Variants in LRP4 observed in about 807,000 individuals in gnomAD.
LRP4 encodes low-density lipoprotein receptor-related protein 4.
A neutral mutation model predicts 220.3 loss-of-function variants in LRP4; 95 were observed. The observed-to-expected ratio is 0.43, with a 90% CI of 0.37 to 0.51. The LOEUF (loss-of-function observed/expected upper bound fraction) is 0.51. Among genes scored for constraint, LRP4 ranks in the 20% least tolerant of loss-of-function variants. LRP4 has a pLI of 0.00. For missense variants in LRP4, 1,925 were observed against 2,567.0 expected (o/e 0.75, Z 5.40); for synonymous variants, 903 against 954.6 (o/e 0.95, Z 1.00).
In LRP4 at chr11:46,858,857, C is replaced by G. The variant is rs1940452221; in HGVS notation, c.*126G>C. 1 of 894,010 alleles carries G rather than the reference C, an allele frequency of 1.1e-6. No individual in the cohort carries two copies. The highest frequency in any genetic ancestry group is 1.9e-6 in the Non-Finnish European group (1 of 539,918). 55.4% of individuals were successfully genotyped at this position (894,010 alleles called of 1,614,324 possible). On this transcript the variant is annotated 3_prime_UTR_variant, in exon 38 of 38. Coordinates refer to ENST00000378623, the MANE Select transcript of LRP4 (RefSeq NM_002334.4). ...AACAGCTCCGGTGAAGGCTTAGGAA[C>G]AGTTATGGGGTGGGAGGAGGAGGAG...
chr11:46,868,562 GCT>G lies in LRP4; in HGVS notation c.4951+36_4951+37del, dbSNP rs781063746. Reference sequence around the variant, plus strand: ...CTGCTGACTCTCAGCCCTTCCAGGGGCTCTGCCGAGTGGCTCCAGCCATACAG... The same window carrying G: ...CTGCTGACTCTCAGCCCTTCCAGGGGCTGCCGAGTGGCTCCAGCCATACAG... On this transcript the variant is annotated intron_variant, in intron 33 of 37. Transcript: ENST00000378623. 89 of 1,447,018 alleles carry G rather than the reference GCT, an allele frequency of 6.2e-5. 2 individuals are homozygous for G. The South Asian group carries it at 9.7e-4, about 16-fold the overall frequency. 89.6% of individuals were successfully genotyped at this position (1,447,018 alleles called of 1,614,324 possible).
chr11:46,872,299 C>T (rs1478299131), intron 30 of LRP4, among the ~76,000 whole-genome samples: 1 of 151,914 alleles, frequency 6.6e-6, no homozygotes, highest in Non-Finnish European at 1.5e-5. Flanking sequence ...CTACATGGAC[C>T]TTGCTGAGGT....
intron 2 of LRP4, among the ~76,000 whole-genome samples, chr11:46,900,790 CTTT>C (rs35979071): frequency 7.5e-6 from 1 of 132,796 alleles, no homozygotes; most frequent in Non-Finnish European, 1.6e-5. Context: ...GGCGCCTGGC[CTTT>C]TTTTTTTTTT....
chr11:46,864,280 G>GT (rs1381555247), intron 36 of LRP4, among the ~76,000 whole-genome samples, 168 bp downstream of exon 36: 2 of 152,214 alleles, frequency 1.3e-5, no homozygotes, highest in African/African-American at 2.4e-5. Context: ...CTGGAGAAGA[G>GT]TAAGTATTTA....
intron 31 of LRP4, 36 bp downstream of exon 31, chr11:46,871,489 C>T (rs370986346): frequency 7.1e-7 from 1 of 1,405,578 alleles, no homozygotes; most frequent in Non-Finnish European, 1.0e-6. Flanking sequence ...ACATCCCAGT[C>T]AAGGAGGTTT....
In LRP4 at chr11:46,896,941, G is replaced by A. The variant is rs777995529; in HGVS notation, c.850C>T (p.Arg284Cys). ...TCCCCATCACAGCGCCAGGACAGGCGGACACAGCGGCCTGAGTGACAGCGG... is the reference window on the plus strand; with the variant it reads ...TCCCCATCACAGCGCCAGGACAGGCAGACACAGCGGCCTGAGTGACAGCGG... Reference protein sequence around the residue: ...QFRCHSGRCVRLSWRCDGEDD... With the variant: ...QFRCHSGRCVCLSWRCDGEDD... The change falls in exon 8 of 38, where the codon CGC becomes TGC. Residue 284 changes from arginine to cysteine, a missense_variant. By Grantham distance (180) the Arg-to-Cys change is radical. This residue lies in a region of LRP4 where 412 missense variants were observed against 505.4 expected (regional missense o/e 0.82). Transcript: ENST00000378623. 9.3e-6 allele frequency: 15 copies of A among 1,614,204 alleles called. No homozygotes were observed. In the South Asian group the frequency reaches 1.2e-4, roughly 13 times the overall value.
chr11:46,865,025 C>A, intron 35 of LRP4, 94 bp downstream of exon 35: 2 of 1,076,602 alleles, frequency 1.9e-6, no homozygotes, highest in Non-Finnish European at 2.8e-6. Flanking sequence ...AGTTCATCAA[C>A]CCCAGAGTCC....
chr11:46,877,158 C>T (rs1346747581), intron 23 of LRP4, 41 bp downstream of exon 23: 2 of 1,610,358 alleles, frequency 1.2e-6, no homozygotes, highest in East Asian at 4.5e-5. Context: ...TGTTGAAGGG[C>T]AGGGACAGAA....
intron 17 of LRP4, 47 bp from the exon 18 acceptor site, chr11:46,886,219 T>C (rs1030917568): frequency 3.7e-6 from 6 of 1,600,540 alleles, no homozygotes; most frequent in Non-Finnish European, 5.1e-6. Flanking sequence ...TCCACTCTAG[T>C]TCTGGAGCCC....
chr11:46,869,153 A>C (rs749927352), intron 31 of LRP4, 21 bp from the exon 32 acceptor site: 9 of 1,610,568 alleles, frequency 5.6e-6, no homozygotes, highest in South Asian at 2.2e-5. Context: ...GGGGAAGCCC[A>C]AAAACAGTAA....
intron 18 of LRP4, among the ~76,000 whole-genome samples, chr11:46,885,736 T>C (rs1941274157): frequency 7.5e-6 from 1 of 133,470 alleles, no homozygotes; most frequent in Non-Finnish European, 1.5e-5. Flanking sequence ...ATCGCACCAC[T>C]GCACTCCAGC....
chr11:46,892,569 CTTTT>C (rs11292441), intron 13 of LRP4, among the ~76,000 whole-genome samples: 4 of 123,694 alleles, frequency 3.2e-5, no homozygotes, highest in Admixed American at 8.2e-5. Flanking sequence ...TAACATCATA[CTTTT>C]TTTTTTTTTT....
intron 37 of LRP4, 74 bp downstream of exon 37, chr11:46,862,532 A>C: frequency 6.9e-7 from 1 of 1,454,046 alleles, no homozygotes; most frequent in East Asian, 2.3e-5. Context: ...TTACTGACTT[A>C]TTTGGGCATT....
At chr11:46,863,264 G>A (rs756085383) in intron 36 of LRP4, among the ~76,000 whole-genome samples, 6 of 152,172 alleles carry the variant, frequency 3.9e-5, no homozygotes, top group Admixed American at 6.5e-5. Flanking sequence ...ACCTAGCTAA[G>A]CTGCATCCAG....
rs537729767 is a variant in LRP4 at position 46,859,254 on chromosome 11, A to C, written c.5447T>G (p.Leu1816Arg). 6.2e-7 allele frequency: 1 copy of C among 1,614,124 alleles called. No individual in the cohort carries two copies. The highest frequency in any genetic ancestry group is 1.1e-5 in the South Asian group (1 of 91,078). ...ATCCCACTCAGCATCATCCCCAGAC[A>C]GGAGGCAGATTCCCTCTACGATCTT... ...KIKIVEGICLLSGDDAEWDDL... is the reference protein window; with the variant it reads ...KIKIVEGICLRSGDDAEWDDL... Residue 1816 changes from leucine to arginine, a missense_variant, in exon 38 of 38, where the codon CTG becomes CGG. By Grantham distance (102) the Leu-to-Arg change is moderately radical (BLOSUM62 -2). Around this residue, in one of 3 missense-constraint regions of LRP4, gnomAD observed 1,244 missense variants for 1,624.9 expected, o/e 0.77. Coordinates refer to ENST00000378623, the MANE Select transcript of LRP4 (RefSeq NM_002334.4).
intron 16 of LRP4, 135 bp from the exon 17 acceptor site, chr11:46,886,668 A>G: frequency 1.3e-6 from 1 of 746,868 alleles, no homozygotes; most frequent in Non-Finnish European, 2.3e-6. Context: ...CCTATACTTT[A>G]TACCTCAGGC....
At chr11:46,885,328 A>C (rs1941263644) in intron 18 of LRP4, among the ~76,000 whole-genome samples, 3 of 152,122 alleles carry the variant, frequency 2.0e-5, no homozygotes, top group Admixed American at 2.0e-4. Context: ...GGGGCCCAAG[A>C]ATCTGCATGT....
chr11:46,882,938 G>A (rs567877145), intron 19 of LRP4, among the ~76,000 whole-genome samples: 5 of 151,960 alleles, frequency 3.3e-5, no homozygotes, highest in Admixed American at 6.6e-5. Flanking sequence ...AGGGCAAGCA[G>A]AAAAAAAGTC....
intron 31 of LRP4, 89 bp from the exon 32 acceptor site, chr11:46,869,221 C>T (rs553450296): frequency 3.0e-4 from 376 of 1,252,128 alleles, no homozygotes; most frequent in Non-Finnish European, 3.5e-4. Context: ...CCATGTGCCA[C>T]TGCCTCTGCT....
Sources: gnomAD v4.1 joint callset for allele counts (sites outside exome capture counted in the v4.1 genomes callset) on GRCh38, gnomAD v4.1.1 for gene constraint, gnomAD v4.1.1 regional missense constraint, MANE v1.5 for transcripts, NCBI Gene and HGNC (gene_info 2026-07-23, HGNC 2026-07-21) for gene names.